ATP11B: variants seen among roughly 807,000 people sequenced by gnomAD.
ATP11B encodes the protein phospholipid-transporting ATPase IF.
A neutral mutation model predicts 157.8 loss-of-function variants in ATP11B; 81 were observed. That is an observed-to-expected ratio of 0.51 (90% CI 0.43 to 0.62). The LOEUF (loss-of-function observed/expected upper bound fraction) is 0.62. Among genes scored for constraint, ATP11B ranks in the 20% least tolerant of loss-of-function variants. The pLI, the probability that ATP11B is intolerant of heterozygous loss-of-function variation, is 0.00. For missense variants in ATP11B, 1,165 were observed against 1,402.2 expected (o/e 0.83, Z 2.70); for synonymous variants, 451 against 469.4 (o/e 0.96, Z 0.51).
chr3:182,802,165 A>G (rs138064696), intron 1 of ATP11B, among the ~76,000 whole-genome samples: 17 of 152,324 alleles, frequency 1.1e-4, no homozygotes, highest in African/African-American at 2.4e-4. Context: ...GCTAAAAATG[A>G]TATATCCAGA....
At chr3:182,874,043 C>G (rs187630695) in intron 19 of ATP11B, 28 bp downstream of exon 19, 17 of 1,595,896 alleles carry the variant, frequency 1.1e-5, no homozygotes, top group Admixed American at 1.7e-5. Flanking sequence ...TGTATCATAC[C>G]TTTCAGGGGT....
rs181314358 is a variant in ATP11B at position 182,918,723 on chromosome 3, A to G, written c.*619A>G. 4.2e-4 allele frequency: 84 copies of G among 199,758 alleles called. 1 individual carries two copies. Among genetic ancestry groups the G allele is most frequent in the Admixed American group, 2.6e-3 (44 of 16,724 alleles). The allele number at this position is 199,758 out of a possible 1,614,324, so 12.4% of individuals were successfully genotyped here. ...CAGTATGGGGAGTAAATTTATACCA[A>G]TTCCTCTAACTGTACTGTAACACAG... is the stretch of plus-strand genomic sequence containing the variant. On this transcript the variant is annotated 3_prime_UTR_variant, in exon 30 of 30. Coordinates refer to ENST00000323116, the MANE Select transcript of ATP11B (RefSeq NM_014616.3).
At chr3:182,830,322 CAAA>C (rs5854958) in intron 4 of ATP11B, among the ~76,000 whole-genome samples, 5 of 99,140 alleles carry the variant, frequency 5.0e-5, no homozygotes, top group Admixed American at 1.1e-4. Context: ...GATCCTGTCT[CAAA>C]AAAAAAAAAA....
chr3:182,836,706 A>G (rs1718579368), intron 6 of ATP11B: 1 of 498,532 alleles, frequency 2.0e-6, no homozygotes, highest in Non-Finnish European at 3.5e-6. Context: ...TAGGAAAAAT[A>G]TAATCTTTTA....
chr3:182,797,213 T>A (rs1467797611), intron 1 of ATP11B, among the ~76,000 whole-genome samples: 1 of 152,236 alleles, frequency 6.6e-6, no homozygotes, highest in Admixed American at 6.5e-5. Flanking sequence ...TTTCTTTCTC[T>A]TTACTTTTTC....
At chr3:182,915,836 C>T (rs1250262151) in intron 29 of ATP11B, 1 of 974,464 alleles carries the variant, frequency 1.0e-6, no homozygotes, top group South Asian at 4.7e-5. Context: ...CTTCTTTTCA[C>T]TTAAAATTGC....
Position 182,884,898 on chromosome 3 carries a change from G to T in ATP11B, c.2655G>T (p.Lys885Asn). The T allele has an allele frequency of 7.2e-7, 1 of 1,385,734 alleles. No individual in the cohort carries two copies. Among genetic ancestry groups the T allele is most frequent in the South Asian group, 1.4e-5 (1 of 70,700 alleles). 85.8% of individuals were successfully genotyped at this position (1,385,734 alleles called of 1,614,324 possible). A position where few individuals can be genotyped will look rare whatever the true frequency, so the allele number is the denominator to read the frequency against. The change falls in exon 22 of 30, where the codon AAG (lysine) becomes AAT (asparagine). Residue 885 changes from lysine to asparagine, a missense_variant and splice_region_variant. Lys to Asn is a moderately conservative substitution (Grantham distance 94). Coordinates refer to ENST00000323116, the MANE Select transcript of ATP11B (RefSeq NM_014616.3). ...IATLVQYFFYKNVCFITPQFL... is the reference protein window; with the variant it reads ...IATLVQYFFYNNVCFITPQFL... ...CCCTTGTACAGTATTTTTTTTATAA[G>T]GTGAGTTTCATGTATTTAGAATCAA...
At chr3:182,839,617 T>TATTTTATTTTATTTA (rs1718842390) in intron 7 of ATP11B, among the ~76,000 whole-genome samples, 1 of 152,108 alleles carries the variant, frequency 6.6e-6, no homozygotes, top group Admixed American at 6.5e-5. Flanking sequence ...TATTTTATTT[T>TATTTTATTTTATTTA]ATTTATTTTT....
chr3:182,805,313 G>A (rs1354916928), intron 1 of ATP11B, among the ~76,000 whole-genome samples: 1 of 152,104 alleles, frequency 6.6e-6, no homozygotes, highest in African/African-American at 2.4e-5. Context: ...TTTGATTATA[G>A]TCATCCTAGT....
chr3:182,883,605 A>G (rs927643759), intron 21 of ATP11B, among the ~76,000 whole-genome samples: 2 of 151,264 alleles, frequency 1.3e-5, no homozygotes, highest in African/African-American at 4.8e-5. Context: ...GTGTTTTTGT[A>G]TGTATGAAAT....
intron 28 of ATP11B, among the ~76,000 whole-genome samples, chr3:182,899,416 G>A (rs141799038): frequency 3.3e-5 from 5 of 152,000 alleles, no homozygotes; most frequent in South Asian, 2.1e-4. Flanking sequence ...CTCCCGAAGC[G>A]CTGGGATTAC....
Position 182,873,840 on chromosome 3 carries a change from G to A in ATP11B, c.2077G>A (p.Glu693Lys), listed in dbSNP as rs777479252. 3.7e-6 allele frequency: 6 copies of A among 1,613,916 alleles called. No individual in the cohort carries two copies. ...RLQDKVRETI[E>K]ALRMAGIKVW... The stretch of plus-strand genomic sequence containing the variant: ...ACAAGATAAAGTTCGAGAAACTATT[G>A]AAGCATTGAGAATGGCTGGTATCAA... Residue 693 changes from glutamate to lysine, a missense_variant, in exon 19 of 30, where the codon GAA (glutamate) becomes AAA (lysine). Glu to Lys is a moderately conservative substitution (Grantham distance 56). Coordinates refer to ENST00000323116, the MANE Select transcript of ATP11B (RefSeq NM_014616.3).
At chr3:182,879,380 C>T in intron 19 of ATP11B, 116 bp from the exon 20 acceptor site, 1 of 858,758 alleles carries the variant, frequency 1.2e-6, no homozygotes, top group Non-Finnish European at 1.7e-6. Flanking sequence ...AGTCTTGTAA[C>T]AGTAAGGGCT....
At chr3:182,904,482 C>T (rs556515870) in intron 28 of ATP11B, among the ~76,000 whole-genome samples, 5 of 152,274 alleles carry the variant, frequency 3.3e-5, no homozygotes, top group South Asian at 2.1e-4. Context: ...AGCAATATTC[C>T]GTGGGTGTGA....
At chr3:182,869,951 T>C (rs542089618) in intron 17 of ATP11B, among the ~76,000 whole-genome samples, 1 of 152,346 alleles carries the variant, frequency 6.6e-6, no homozygotes, top group East Asian at 1.9e-4. Context: ...CAATATATGC[T>C]ACAACATGGA....
chr3:182,906,885 G>C (rs1161361062), intron 28 of ATP11B, among the ~76,000 whole-genome samples: 1 of 151,756 alleles, frequency 6.6e-6, no homozygotes, highest in South Asian at 2.1e-4. Flanking sequence ...TCAGGAGACC[G>C]AGACCATCCT....
intron 2 of ATP11B, among the ~76,000 whole-genome samples, chr3:182,820,937 A>T (rs975481445): frequency 8.5e-5 from 13 of 152,196 alleles, no homozygotes; most frequent in Non-Finnish European, 1.8e-4. Flanking sequence ...AGTACTTCTC[A>T]TATCATTTAA....
intron 28 of ATP11B, among the ~76,000 whole-genome samples, chr3:182,905,327 G>A (rs1724271125): frequency 6.6e-6 from 1 of 152,036 alleles, no homozygotes; most frequent in Admixed American, 6.6e-5. Context: ...TCAAATTAAG[G>A]ATTAAATTTC....
In ATP11B at chr3:182,848,555, AAAGT is replaced by A. The variant is rs754308135; in HGVS notation, c.851+2_851+5del. On this transcript the variant is annotated splice_donor_variant and coding_sequence_variant, in exon 10 of 30. Transcript: ENST00000323116. LOFTEE classifies it high-confidence loss of function. ...AATCACAGAAACGATCTGCAGTAGA[AAAGT>A]AAGAAAACTGTTTTCATTTATTTAT... is the stretch of plus-strand genomic sequence containing the variant. 2 of 1,531,204 alleles carry A rather than the reference AAAGT, an allele frequency of 1.3e-6. No homozygotes were observed. Among genetic ancestry groups the A allele is most frequent in the Non-Finnish European group, 1.8e-6 (2 of 1,135,940 alleles). 94.9% of individuals were successfully genotyped at this position (1,531,204 alleles called of 1,614,324 possible).
Sources: gnomAD v4.1 joint callset for allele counts (sites outside exome capture counted in the v4.1 genomes callset) on GRCh38, gnomAD v4.1.1 for gene constraint, MANE v1.5 for transcripts, NCBI Gene and HGNC (gene_info 2026-07-23, HGNC 2026-07-21) for gene names.